Variants in ST6GALNAC2 observed in about 807,000 individuals in gnomAD.
ST6GALNAC2 encodes the protein alpha-N-acetylgalactosaminide alpha-2,6-sialyltransferase 2.
Under a neutral mutation model 38.7 loss-of-function variants are expected in ST6GALNAC2, and 42 were observed. The ratio of observed to expected loss-of-function variants is 1.09; its 90% CI spans 0.85 to 1.40. ST6GALNAC2 has a LOEUF of 1.40. ST6GALNAC2 is among the 40% of genes most tolerant of loss of function. ST6GALNAC2 has a pLI of 0.00. For synonymous variants in ST6GALNAC2, 233 were observed against 209.0 expected, an observed-to-expected ratio of 1.11 and a Z score of -0.99; for missense variants, 506 against 481.7, an observed-to-expected ratio of 1.05 and a Z score of -0.47.
rs374303587 is a variant in ST6GALNAC2, at chr17:76,566,107, G to T, written c.1122C>A (p.Arg374=). ...HKAGILQLYQ[R] ...CAAAGGGCTCAGTGCATTGGGGTCA[G>T]CGCTGGTACAGCTGAAGGATGCCGG... Residue 374 remains arginine, a synonymous_variant, in exon 9 of 9, where the codon CGC becomes CGA. Coordinates refer to ENST00000225276, the MANE Select transcript of ST6GALNAC2 (RefSeq NM_006456.3). The T allele has an allele frequency of 7.4e-6, 12 of 1,613,788 alleles. No individual in the cohort carries two copies. Among genetic ancestry groups the T allele is most frequent in the Non-Finnish European group, 1.0e-5 (12 of 1,179,908 alleles).
rs2075376960 is a variant in ST6GALNAC2 at position 76,573,382 on chromosome 17, A to G, written c.362-19T>C. Reference sequence around the variant, plus strand: ...GCGATGACTGTGGGTGCAGATGGGGAGCAGCCATGAGGAGGGCTGGCATCG... The same window carrying G: ...GCGATGACTGTGGGTGCAGATGGGGGGCAGCCATGAGGAGGGCTGGCATCG... On this transcript the variant is annotated intron_variant, in intron 3 of 8. Transcript: ENST00000225276. The surrounding 1 kb of genome is among the most constrained non-coding windows in gnomAD (Gnocchi z 5.1). 1.3e-6 allele frequency: 2 copies of G among 1,507,408 alleles called. No individual in the cohort carries two copies. The highest frequency in any genetic ancestry group is 4.5e-5 in the Admixed American group (2 of 44,140). 93.4% of individuals were successfully genotyped at this position (1,507,408 alleles called of 1,614,324 possible). A position where few individuals can be genotyped will look rare whatever the true frequency, so the allele number is the denominator to read the frequency against.
In ST6GALNAC2 at chr17:76,566,855, A is replaced by C. The variant is rs113982190; in HGVS notation, c.958-584T>G. Reference sequence around the variant, plus strand: ...GTCTCAAAAAAGAGGGAAAAGATTTAGGTGTGAGTCGTGGAGAGGCATTTG... The same window carrying C: ...GTCTCAAAAAAGAGGGAAAAGATTTCGGTGTGAGTCGTGGAGAGGCATTTG... On this transcript the variant is annotated intron_variant, in intron 8 of 8. Coordinates refer to ENST00000225276, the MANE Select transcript of ST6GALNAC2 (RefSeq NM_006456.3). Among the ~76,000 whole-genome samples, 113 of 152,254 alleles carry C rather than the reference A, an allele frequency of 7.4e-4. 2 individuals are homozygous for C. The highest frequency in any genetic ancestry group is 2.6e-3 in the African/African-American group (108 of 41,564).
In ST6GALNAC2 at chr17:76,573,159, T is replaced by TGCCCCCC; in HGVS notation, c.530+35_530+36insGGGGGGC. On this transcript the variant is annotated intron_variant, in intron 4 of 8. Transcript: ENST00000225276. The surrounding 1 kb of genome is among the most constrained non-coding windows in gnomAD (Gnocchi z 5.1). Reference sequence around the variant, plus strand: ...GACACCCCCACCCTCCAGGCAACTCTCCCTCCCGCCCCTCCCCAGCTCCTA... The same window carrying TGCCCCCC: ...GACACCCCCACCCTCCAGGCAACTCTGCCCCCCCCCTCCCGCCCCTCCCCAGCTCCTA... The TGCCCCCC allele has an allele frequency of 7.2e-6, 11 of 1,530,312 alleles. No homozygotes were observed. Among genetic ancestry groups the TGCCCCCC allele is most frequent in the Non-Finnish European group, 9.8e-6 (11 of 1,120,820 alleles). The allele number at this position is 1,530,312 out of a possible 1,614,324, so 94.8% of individuals were successfully genotyped here. A position where few individuals can be genotyped will look rare whatever the true frequency, so the allele number is the denominator to read the frequency against.
In ST6GALNAC2 at chr17:76,567,534, C is replaced by CA. The variant is rs2143287372; in HGVS notation, c.875dup (p.Leu292PhefsTer3). ...ATAGGTCTCCAAAATGTGTGTTAAT[C>CA]AACTTTGATTTCAAGAACCTGGAAG... On this transcript the variant is annotated frameshift_variant, in exon 8 of 9. Coordinates refer to ENST00000225276, the MANE Select transcript of ST6GALNAC2 (RefSeq NM_006456.3). LOFTEE classifies it high-confidence loss of function. The CA allele has an allele frequency of 6.2e-7, 1 of 1,613,682 alleles. No individual in the cohort carries two copies. The highest frequency in any genetic ancestry group is 2.2e-5 in the East Asian group (1 of 44,882).
rs1373192403 is a variant in ST6GALNAC2 at position 76,573,517 on chromosome 17, T to TG, written c.362-155dup. Among the ~76,000 whole-genome samples, 4 of 151,920 alleles carry TG rather than the reference T, an allele frequency of 2.6e-5. No homozygotes were observed. Among genetic ancestry groups the TG allele is most frequent in the African/African-American group, 4.8e-5 (2 of 41,354 alleles). ...GGGTGGGAGGGGAAGGAGATGTCTG[T>TG]GGGGGGAGAATTGAAAAGCTGACAG... On this transcript the variant is annotated intron_variant, in intron 3 of 8. Coordinates refer to ENST00000225276, the MANE Select transcript of ST6GALNAC2 (RefSeq NM_006456.3). This position sits in a 1 kb window ranked among gnomAD's most constrained non-coding sequence, Gnocchi z 5.1.
intron 6 of ST6GALNAC2, 78 bp downstream of exon 6, chr17:76,570,487 C>G: frequency 9.8e-7 from 1 of 1,018,362 alleles, no homozygotes; most frequent in Non-Finnish European, 1.5e-6. Flanking sequence ...ATGATGGGCC[C>G]TGGGAGCAAA....
At chr17:76,582,661 A>G (rs1224649227) in intron 1 of ST6GALNAC2, among the ~76,000 whole-genome samples, 1 of 152,128 alleles carries the variant, frequency 6.6e-6, no homozygotes, top group African/African-American at 2.4e-5. Context: ...ACTGGGCTCC[A>G]CTCTAATCTG....
At chr17:76,570,290 T>C (rs2075338499) in intron 6 of ST6GALNAC2, 1 of 455,386 alleles carries the variant, frequency 2.2e-6, no homozygotes, top group African/African-American at 2.0e-5. Flanking sequence ...CTCACCCCAT[T>C]CAGAAGAGCT....
At chr17:76,580,449 A>G (rs749908130) in intron 1 of ST6GALNAC2, among the ~76,000 whole-genome samples, 14 of 151,716 alleles carry the variant, frequency 9.2e-5, no homozygotes, top group Admixed American at 9.2e-4. Context: ...TAATCCCAGC[A>G]CTTTGGGAGG....
rs1460413502 is a variant in ST6GALNAC2, at chr17:76,585,801, A to C, written c.8T>G (p.Leu3Arg). 1 of 1,544,202 alleles carries C rather than the reference A, an allele frequency of 6.5e-7. No individual in the cohort carries two copies. Among genetic ancestry groups the C allele is most frequent in the Non-Finnish European group, 8.7e-7 (1 of 1,147,738 alleles). The change falls in exon 1 of 9, where the codon CTC becomes CGC. Residue 3 changes from leucine (L) to arginine (R), a missense_variant. Leu to Arg is a moderately radical substitution (Grantham distance 102). Transcript: ENST00000225276. ...CAGCCAGAAGAACGACCCGCGCGGG[A>C]GCCCCATACAGCCCCGGCCCGCGAG... is the stretch of plus-strand genomic sequence containing the variant. MG[L>R]PRGSFFWLLL... is the part of the protein sequence containing the mutation.
chr17:76,574,499 CGCT>C lies in ST6GALNAC2; in HGVS notation c.224_226del (p.Gln75del). On this transcript the variant is annotated inframe_deletion, in exon 3 of 9. Coordinates refer to ENST00000225276, the MANE Select transcript of ST6GALNAC2 (RefSeq NM_006456.3). The stretch of plus-strand genomic sequence containing the variant: ...GAACAGGCCACGGAAGTGGGGGTGC[CGCT>C]GAATGGCCAGGTGAAGCAGGTGTCG... 6.3e-7 allele frequency: 1 copy of C among 1,596,264 alleles called. No homozygotes were observed. Among genetic ancestry groups the C allele is most frequent in the Non-Finnish European group, 8.6e-7 (1 of 1,169,036 alleles).
At chr17:76,584,890 C>T (rs2075525573) in intron 1 of ST6GALNAC2, among the ~76,000 whole-genome samples, 1 of 152,238 alleles carries the variant, frequency 6.6e-6, no homozygotes, top group Admixed American at 6.5e-5. Context: ...CAAACCCAGA[C>T]TTCGCACGGC....
At chr17:76,569,320 G>C in intron 6 of ST6GALNAC2, 1 of 280,292 alleles carries the variant, frequency 3.6e-6, no homozygotes, top group Non-Finnish European at 6.3e-6. Flanking sequence ...GGAGGACTTG[G>C]GGGGCACAGC....
chr17:76,585,837 GC>G lies in ST6GALNAC2; in HGVS notation c.-30del. 2 of 1,516,734 alleles carry G rather than the reference GC, an allele frequency of 1.3e-6. No individual in the cohort carries two copies. The highest frequency in any genetic ancestry group is 1.8e-6 in the Non-Finnish European group (2 of 1,135,176). The allele number at this position is 1,516,734 out of a possible 1,614,324, so 94.0% of individuals were successfully genotyped here. A position where few individuals can be genotyped will look rare whatever the true frequency, so the allele number is the denominator to read the frequency against. On this transcript the variant is annotated 5_prime_UTR_variant, in exon 1 of 9. Transcript: ENST00000225276. ...GCCCCGGCCCGCGAGCGCCCCGTCCGCTGACGTCCCAGGCAGAAGGGAGAGA... is the reference window on the plus strand; with the variant it reads ...GCCCCGGCCCGCGAGCGCCCCGTCCGTGACGTCCCAGGCAGAAGGGAGAGA...
chr17:76,581,392 C>G (rs1292306840), intron 1 of ST6GALNAC2, among the ~76,000 whole-genome samples: 1 of 152,050 alleles, frequency 6.6e-6, no homozygotes, highest in Non-Finnish European at 1.5e-5. Context: ...TCCTGAGATT[C>G]TGATCTGACT....
chr17:76,585,544 C>G, intron 1 of ST6GALNAC2, 140 bp downstream of exon 1: 1 of 1,004,654 alleles, frequency 1.0e-6, no homozygotes, highest in Non-Finnish European at 1.3e-6. Flanking sequence ...GCGGCCGAGT[C>G]CTCGCTGAGA....
In ST6GALNAC2 at chr17:76,577,573, ATTTTTTT is replaced by A. The variant is rs71158024; in HGVS notation, c.186+1176_186+1182del. Among the ~76,000 whole-genome samples the A allele has an allele frequency of 2.7e-4, 32 of 117,112 alleles. No homozygotes were observed. The East Asian group carries it at 4.8e-3, about 17-fold the overall frequency. 76.8% of individuals were successfully genotyped at this position (117,112 alleles called of 152,430 possible). ...CGGCCAAGTGCCCATTGGCCTCTGTATTTTTTTTTTTTTTTTTTTTGAGACGGAGTTT... is the reference window on the plus strand; with the variant it reads ...CGGCCAAGTGCCCATTGGCCTCTGTATTTTTTTTTTTTTGAGACGGAGTTT... On this transcript the variant is annotated intron_variant, in intron 2 of 8. Transcript: ENST00000225276.
At chr17:76,576,801 T>C (rs1280471185) in intron 2 of ST6GALNAC2, among the ~76,000 whole-genome samples, 4 of 151,926 alleles carry the variant, frequency 2.6e-5, no homozygotes, top group Non-Finnish European at 5.9e-5. Flanking sequence ...TGAAACCCTG[T>C]CTGTACTAAA....
intron 2 of ST6GALNAC2, among the ~76,000 whole-genome samples, chr17:76,577,697 C>T (rs564741806): frequency 2.6e-5 from 4 of 151,638 alleles, no homozygotes; most frequent in Admixed American, 2.0e-4. Flanking sequence ...CTCAGTCTCC[C>T]AAGTAGCTGG....
Sources: allele counts gnomAD v4.1 joint callset (sites outside exome capture counted in the v4.1 genomes callset), GRCh38; gene constraint gnomAD v4.1.1; non-coding constraint Gnocchi (gnomAD v3.1); transcripts MANE v1.5; gene names NCBI Gene and HGNC (gene_info 2026-07-23, HGNC 2026-07-21).